Variants in RIT2 observed in about 807,000 individuals in gnomAD.
The protein encoded by RIT2 is Ras like without CAAX 2.
RIT2 carries 24 observed loss-of-function variants against 23.7 expected under a neutral mutation model. That is an observed-to-expected ratio of 1.01 (90% CI 0.73 to 1.43). The LOEUF is 1.43. Ranked by LOEUF, RIT2 falls within the 40% of genes most tolerant of loss-of-function variation. RIT2 has a pLI of 0.00. For synonymous variants in RIT2, 107 were observed against 91.1 expected (o/e 1.17, Z -0.99); for missense variants, 236 against 266.9 (o/e 0.88, Z 0.81).
chr18:42,933,799 C>A (rs1342656638), intron 3 of RIT2, among the ~76,000 whole-genome samples: 1 of 151,982 alleles, frequency 6.6e-6, no homozygotes, highest in Non-Finnish European at 1.5e-5. Context: ...GCAGGCAGAA[C>A]ACAAGGTCAG....
intron 4 of RIT2, among the ~76,000 whole-genome samples, chr18:42,852,768 C>T (rs146854762): frequency 0.094 from 13,026 of 139,216 alleles, 874 homozygotes; most frequent in Middle Eastern, 0.23. Context: ...TTCTTCCCTC[C>T]CTCCCTCCCT....
At chr18:42,943,471 G>A (rs191000044) in intron 3 of RIT2, among the ~76,000 whole-genome samples, 2 of 152,094 alleles carry the variant, frequency 1.3e-5, no homozygotes, top group Admixed American at 1.3e-4. Context: ...GACAATTTTC[G>A]ATTTGCAAAT....
chr18:42,950,554 A>T (rs181014917), intron 3 of RIT2, among the ~76,000 whole-genome samples: 1 of 152,124 alleles, frequency 6.6e-6, no homozygotes, highest in Non-Finnish European at 1.5e-5. Flanking sequence ...GGAGCTGATT[A>T]AACTAAAGAG....
chr18:43,019,403 A>T (rs1217012349), intron 2 of RIT2, among the ~76,000 whole-genome samples: 1 of 152,106 alleles, frequency 6.6e-6, no homozygotes, highest in East Asian at 1.9e-4. Context: ...AATAAACATG[A>T]TACATCACAT....
At chr18:42,870,378 C>A (rs978946193) in intron 4 of RIT2, among the ~76,000 whole-genome samples, 4 of 151,970 alleles carry the variant, frequency 2.6e-5, no homozygotes, top group Admixed American at 2.6e-4. Context: ...GTAGCTGGGA[C>A]TACAGGTGCA....
chr18:42,918,334 G>T (rs1428836724), intron 4 of RIT2, among the ~76,000 whole-genome samples: 1 of 151,904 alleles, frequency 6.6e-6, no homozygotes, highest in Non-Finnish European at 1.5e-5. Flanking sequence ...GTTTTGTTTT[G>T]TTTTCTGTCT....
intron 4 of RIT2, among the ~76,000 whole-genome samples, chr18:42,857,026 C>T (rs1234810450): frequency 2.0e-5 from 3 of 152,108 alleles, no homozygotes; most frequent in African/African-American, 7.2e-5. Flanking sequence ...GACGGGGTTT[C>T]ACCATGTTAG....
chr18:42,999,930 G>A (rs1336876218), intron 2 of RIT2, among the ~76,000 whole-genome samples: 2 of 152,184 alleles, frequency 1.3e-5, no homozygotes, highest in Admixed American at 6.5e-5. Context: ...ATCCCAAGGT[G>A]TATTATTAGA....
In RIT2 at chr18:43,084,328, G is replaced by A. The variant is rs1047097615; in HGVS notation, c.103+31089C>T. ...CCATCATTGTGGAAGGTAGTGTGGCGATTCCTCAAGGATCTGGAACCAGAA... is the reference window on the plus strand; with the variant it reads ...CCATCATTGTGGAAGGTAGTGTGGCAATTCCTCAAGGATCTGGAACCAGAA... On this transcript the variant is annotated intron_variant, in intron 1 of 4. Transcript: ENST00000326695. Among the ~76,000 whole-genome samples, 13 of 152,072 alleles carry A rather than the reference G, an allele frequency of 8.5e-5. 1 individual carries two copies. In the South Asian group the frequency reaches 1.5e-3, roughly 17 times the overall value.
intron 1 of RIT2, among the ~76,000 whole-genome samples, chr18:43,084,609 A>G (rs1347209375): frequency 6.6e-6 from 1 of 152,170 alleles, no homozygotes; most frequent in Non-Finnish European, 1.5e-5. Context: ...GGAAACCATC[A>G]TTCTCAGCAA....
chr18:43,070,445 C>T (rs771964389), intron 1 of RIT2, among the ~76,000 whole-genome samples: 10 of 152,116 alleles, frequency 6.6e-5, no homozygotes, highest in East Asian at 1.9e-4. Flanking sequence ...AAGATGATTT[C>T]GATTCAGCTC....
chr18:42,934,992 TAGAA>T (rs1909416969), intron 3 of RIT2, among the ~76,000 whole-genome samples: 1 of 152,024 alleles, frequency 6.6e-6, no homozygotes, highest in South Asian at 2.1e-4. Context: ...AAGCGATAAA[TAGAA>T]AGAGTCCTAA....
rs114776895 is a variant in RIT2 at position 43,087,551 on chromosome 18, G to A, written c.103+27866C>T. On this transcript the variant is annotated intron_variant, in intron 1 of 4. Transcript: ENST00000326695. ...CTCAGTCTTACCAAAAAGTGACAGT[G>A]TGATTTCCTTCTCTCTGGTCCTACA... Among the ~76,000 whole-genome samples, 698 of 152,236 alleles carry A rather than the reference G, an allele frequency of 4.6e-3. 6 individuals are homozygous for A. Among genetic ancestry groups the A allele is most frequent in the African/African-American group, 0.016 (669 of 41,538 alleles).
At chr18:42,789,121 G>A (rs900752568) in intron 4 of RIT2, among the ~76,000 whole-genome samples, 6 of 152,056 alleles carry the variant, frequency 3.9e-5, no homozygotes, top group Non-Finnish European at 5.9e-5. Context: ...TAAAATGCCC[G>A]CTAGTAGAAT....
chr18:43,039,207 G>T (rs1257056215), intron 1 of RIT2, among the ~76,000 whole-genome samples: 8 of 152,052 alleles, frequency 5.3e-5, no homozygotes, highest in Non-Finnish European at 1.0e-4. Context: ...TCTTTCAAAA[G>T]ATGATTTTAC....
intron 1 of RIT2, among the ~76,000 whole-genome samples, chr18:43,109,589 G>C (rs1913906094): frequency 6.6e-6 from 1 of 152,134 alleles, no homozygotes; most frequent in Admixed American, 6.5e-5. Flanking sequence ...CATCTATGCT[G>C]TGATTTCTTC....
intron 4 of RIT2, among the ~76,000 whole-genome samples, chr18:42,778,731 C>G (rs950058339): frequency 1.3e-5 from 2 of 152,242 alleles, no homozygotes; most frequent in Middle Eastern, 3.4e-3. Context: ...TAGATTGAAA[C>G]ATTCCAAATG....
intron 4 of RIT2, among the ~76,000 whole-genome samples, chr18:42,899,592 T>A (rs992391705): frequency 4.6e-5 from 7 of 152,100 alleles, no homozygotes; most frequent in Non-Finnish European, 7.4e-5. Flanking sequence ...TGATTACCTT[T>A]ATTTCGATTC....
At chr18:42,949,203 G>A (rs1460326100) in intron 3 of RIT2, among the ~76,000 whole-genome samples, 1 of 152,076 alleles carries the variant, frequency 6.6e-6, no homozygotes, top group Non-Finnish European at 1.5e-5. Context: ...GTGTGCTGTG[G>A]GGTGCCCAGT....
Sources: gnomAD v4.1 joint callset for allele counts (sites outside exome capture counted in the v4.1 genomes callset) on GRCh38, gnomAD v4.1.1 for gene constraint, MANE v1.5 for transcripts, NCBI Gene and HGNC (gene_info 2026-07-23, HGNC 2026-07-21) for gene names.